LRRC49: variants seen among roughly 807,000 people sequenced by gnomAD.
The protein encoded by LRRC49 is leucine rich repeat containing 49.
A neutral mutation model predicts 83.3 loss-of-function variants in LRRC49; 50 were observed. The ratio of observed to expected loss-of-function variants is 0.60; its 90% confidence interval spans 0.48 to 0.76. LRRC49 has a LOEUF of 0.76. LRRC49 is among the 30% of genes least tolerant of loss of function. The pLI, the probability that LRRC49 is intolerant of heterozygous loss-of-function variation, is 0.00. For missense variants in LRRC49, 704 were observed against 809.1 expected (o/e 0.87, Z 1.58); for synonymous variants, 286 against 283.3 (o/e 1.01, Z -0.10).
intron 9 of LRRC49, among the ~76,000 whole-genome samples, chr15:70,964,279 C>T (rs563787650): frequency 2.0e-5 from 3 of 152,216 alleles, no homozygotes; most frequent in South Asian, 4.1e-4. Flanking sequence ...AGCCAGATTG[C>T]CTGCGTCTGA....
At chr15:71,048,934 C>T (rs865929709) in intron 15 of LRRC49, 5 of 426,436 alleles carry the variant, frequency 1.2e-5, no homozygotes, top group Middle Eastern at 3.4e-4. Context: ...TGTAGTGTAC[C>T]ATTTTATGCT....
chr15:70,872,980 G>T (rs929553353), exon 2 of LRRC49: 6 of 539,406 alleles, frequency 1.1e-5, no homozygotes, highest in Admixed American at 3.0e-5. Context: ...CCACCTCCCA[G>T]GTTCAAGCAA....
chr15:70,915,468 C>T (rs1466563205), intron 6 of LRRC49, among the ~76,000 whole-genome samples: 3 of 152,142 alleles, frequency 2.0e-5, no homozygotes, highest in African/African-American at 7.2e-5. Flanking sequence ...TTCTTGAGCT[C>T]AGGAAAGTTT....
chr15:70,900,989 G>A lies in LRRC49; in HGVS notation c.261G>A (p.Glu87=). 6.2e-7 allele frequency: 1 copy of A among 1,610,698 alleles called. No individual in the cohort carries two copies. Among genetic ancestry groups the A allele is most frequent in the Non-Finnish European group, 8.5e-7 (1 of 1,178,254 alleles). ...SFPILQRSSE[E]KILYSDRLSL... ...CTATTCTTCAACGTTCTTCTGAAGA[G>A]AAAATTCTTTACTCAGACAGGTTGA... The change falls in exon 4 of 16, where the codon GAG becomes GAA. Residue 87 remains glutamate (E), a synonymous_variant. Coordinates refer to ENST00000260382, the MANE Select transcript of LRRC49 (RefSeq NM_017691.5).
intron 15 of LRRC49, among the ~76,000 whole-genome samples, chr15:71,040,132 C>A (rs1362936665): frequency 1.3e-5 from 2 of 152,120 alleles, no homozygotes; most frequent in African/African-American, 2.4e-5. Context: ...ATTAATAGAT[C>A]TAATGTGAAA....
chr15:70,910,237 A>T (rs1158436191), intron 5 of LRRC49, among the ~76,000 whole-genome samples: 3 of 152,254 alleles, frequency 2.0e-5, no homozygotes, highest in Admixed American at 6.5e-5. Flanking sequence ...ATTGGATTGA[A>T]TTGGCTTGTG....
At chr15:70,974,019 C>T (rs950625564) in intron 9 of LRRC49, among the ~76,000 whole-genome samples, 11 of 151,818 alleles carry the variant, frequency 7.2e-5, no homozygotes, top group Non-Finnish European at 1.2e-4. Flanking sequence ...CCCAGCTACT[C>T]GGGAGGCTGA....
chr15:70,996,624 C>T (rs936074413), intron 11 of LRRC49, among the ~76,000 whole-genome samples: 2 of 152,064 alleles, frequency 1.3e-5, no homozygotes, highest in African/African-American at 4.8e-5. Context: ...GATTCAGCTC[C>T]CTCACCTCTT....
chr15:70,966,209 A>G (rs1163792451), intron 9 of LRRC49, among the ~76,000 whole-genome samples: 1 of 152,140 alleles, frequency 6.6e-6, no homozygotes, highest in African/African-American at 2.4e-5. Context: ...GTGGTGGATT[A>G]CACAAATATT....
intron 9 of LRRC49, among the ~76,000 whole-genome samples, chr15:70,966,227 C>T (rs2036788287): frequency 1.3e-5 from 2 of 152,050 alleles, no homozygotes; most frequent in Admixed American, 6.6e-5. Flanking sequence ...ATTTAATGAA[C>T]TTCTGTGCAC....
chr15:70,933,476 A>G (rs974671428), intron 7 of LRRC49, among the ~76,000 whole-genome samples: 3 of 152,188 alleles, frequency 2.0e-5, no homozygotes, highest in Non-Finnish European at 1.5e-5. Flanking sequence ...AGTAAAATAA[A>G]TACTTTTTCT....
intron 11 of LRRC49, among the ~76,000 whole-genome samples, chr15:70,998,216 A>G (rs2141248481): frequency 6.6e-6 from 1 of 152,310 alleles, no homozygotes; most frequent in East Asian, 1.9e-4. Context: ...AAGAGGAATT[A>G]CCACCTTAAA....
chr15:70,977,787 CTTT>C (rs2037259994), intron 9 of LRRC49, among the ~76,000 whole-genome samples: 1 of 151,964 alleles, frequency 6.6e-6, no homozygotes, highest in Non-Finnish European at 1.5e-5. Context: ...CTAAACTCTT[CTTT>C]ATCTATCTAA....
chr15:70,964,003 C>G, intron 9 of LRRC49, 71 bp downstream of exon 9: 1 of 1,443,306 alleles, frequency 6.9e-7, no homozygotes, highest in Non-Finnish European at 9.5e-7. Flanking sequence ...GATGCATATT[C>G]TTTGCTTGAA....
chr15:70,936,572 C>G (rs778359642), intron 7 of LRRC49, 189 bp from the exon 8 acceptor site: 6 of 541,590 alleles, frequency 1.1e-5, no homozygotes, highest in African/African-American at 1.9e-5. Flanking sequence ...GCTTGTTCTG[C>G]GGATGTACTG....
intron 10 of LRRC49, 126 bp downstream of exon 10, chr15:70,980,310 A>C (rs988869107): frequency 3.6e-6 from 2 of 557,282 alleles, no homozygotes; most frequent in Non-Finnish European, 6.3e-6. Flanking sequence ...TATCAACAGA[A>C]TGTACGTACC....
chr15:70,863,759 A>G (rs1300983985), intron 1 of LRRC49, among the ~76,000 whole-genome samples: 1 of 152,242 alleles, frequency 6.6e-6, no homozygotes, highest in African/African-American at 2.4e-5. Context: ...GTGGTCATGT[A>G]TCTGAGCCCT....
At chr15:70,858,905 C>T (rs569414776) in intron 1 of LRRC49, 1,413 of 770,024 alleles carry the variant, frequency 1.8e-3, no homozygotes, top group Non-Finnish European at 2.7e-3. Flanking sequence ...GAGGCATCAC[C>T]GCTGTCACGG....
chr15:70,908,035 AT>A (rs534973540), intron 5 of LRRC49: 165 of 455,964 alleles, frequency 3.6e-4, no homozygotes, highest in African/African-American at 2.9e-3. Flanking sequence ...TGGAAAGAGA[AT>A]TTATGCCAAA....
Sources: gnomAD v4.1 joint callset for allele counts (sites outside exome capture counted in the v4.1 genomes callset) on GRCh38, gnomAD v4.1.1 for gene constraint, MANE v1.5 for transcripts, NCBI Gene and HGNC (gene_info 2026-07-23, HGNC 2026-07-21) for gene names.